Variants in SULF2 observed in about 807,000 individuals in gnomAD.
The protein encoded by SULF2 is extracellular sulfatase Sulf-2.
SULF2 carries 52 observed loss-of-function variants against 107.7 expected under a neutral mutation model. The ratio of observed to expected loss-of-function variants is 0.48; its 90% CI spans 0.39 to 0.61. The LOEUF (loss-of-function observed/expected upper bound fraction) is 0.61, where lower values mean the gene tolerates loss of function less well. SULF2 is among the 20% of genes least tolerant of loss of function. SULF2 has a pLI of 0.00. For missense variants in SULF2, 993 were observed against 1,177.3 expected (o/e 0.84, Z 2.29); for synonymous variants, 460 against 464.3 (o/e 0.99, Z 0.12).
chr20:47,714,426 T>C (rs573320651), intron 3 of SULF2, among the ~76,000 whole-genome samples: 1 of 152,140 alleles, frequency 6.6e-6, no homozygotes, highest in Admixed American at 6.5e-5. Flanking sequence ...CCCTCACATA[T>C]GTCCCAGCAG....
At position 47,678,539 on chromosome 20, in the gene SULF2, TG is replaced by T; in HGVS notation, c.1193+136del. The T allele has an allele frequency of 1.2e-6, 1 of 828,086 alleles. No individual in the cohort carries two copies. Among genetic ancestry groups the T allele is most frequent in the Non-Finnish European group, 1.8e-6 (1 of 551,484 alleles). The allele number at this position is 828,086 out of a possible 1,614,324, so 51.3% of individuals were successfully genotyped here. The stretch of plus-strand genomic sequence containing the variant: ...ATGCTTCTCTCCCACAGCAGGTAAG[TG>T]GTTGGCATGGCGGGACCTGAGAACC... On this transcript the variant is annotated intron_variant, in intron 8 of 20. Transcript: ENST00000688720. This position sits in a 1 kb window ranked among gnomAD's most constrained non-coding sequence, Gnocchi z 4.5.
At chr20:47,738,689 C>T (rs530572591) in intron 2 of SULF2, among the ~76,000 whole-genome samples, 3 of 152,298 alleles carry the variant, frequency 2.0e-5, no homozygotes, top group Admixed American at 2.0e-4. Flanking sequence ...TTCTCATTCT[C>T]TCTTGCCTAC....
intron 3 of SULF2, among the ~76,000 whole-genome samples, chr20:47,718,202 C>T (rs1219150355): frequency 6.6e-6 from 1 of 152,094 alleles, no homozygotes; most frequent in Non-Finnish European, 1.5e-5. Flanking sequence ...TTAAGTTCAG[C>T]TACCTCTGCC....
intron 3 of SULF2, among the ~76,000 whole-genome samples, chr20:47,735,421 A>T (rs929880052): frequency 1.3e-5 from 2 of 152,138 alleles, no homozygotes; most frequent in African/African-American, 4.8e-5. Context: ...AAGGCTGGTC[A>T]CTCTTGAGTG....
intron 8 of SULF2, among the ~76,000 whole-genome samples, chr20:47,677,549 CGTCTTGAGCTCT>C (rs1167643392): frequency 6.6e-6 from 1 of 152,090 alleles, no homozygotes; most frequent in Non-Finnish European, 1.5e-5. Context: ...AGTGGTTTGG[CGTCTTGAGCTCT>C]GTCTTGAGCT....
intron 1 of SULF2, among the ~76,000 whole-genome samples, chr20:47,784,265 C>T (rs1313477091): frequency 6.6e-6 from 1 of 152,156 alleles, no homozygotes; most frequent in Admixed American, 6.5e-5. Context: ...AGCAAATACC[C>T]AGATTGAAAC....
chr20:47,689,986 T>G, intron 5 of SULF2, 140 bp downstream of exon 5: 2 of 821,676 alleles, frequency 2.4e-6, no homozygotes, highest in East Asian at 3.4e-5. Flanking sequence ...GGACAAGCAG[T>G]ATGTTCTTGG....
intron 4 of SULF2, among the ~76,000 whole-genome samples, chr20:47,701,027 C>T (rs1387880123): frequency 6.6e-6 from 1 of 152,174 alleles, no homozygotes; most frequent in Non-Finnish European, 1.5e-5. Context: ...CATATGTCCA[C>T]TAAAAGCCAT....
At chr20:47,696,231 G>T (rs1331885903) in intron 4 of SULF2, among the ~76,000 whole-genome samples, 5 of 152,204 alleles carry the variant, frequency 3.3e-5, no homozygotes. Context: ...ACTATGATGA[G>T]AAATGCATGG....
At chr20:47,671,646 A>G (rs1318691803) in intron 11 of SULF2, among the ~76,000 whole-genome samples, 1 of 152,202 alleles carries the variant, frequency 6.6e-6, no homozygotes, top group East Asian at 1.9e-4. Flanking sequence ...GGGGAAGCAC[A>G]GAGCTGGGTT....
intron 3 of SULF2, among the ~76,000 whole-genome samples, chr20:47,735,129 T>A (rs927012117): frequency 2.0e-5 from 3 of 152,152 alleles, no homozygotes; most frequent in Non-Finnish European, 4.4e-5. Flanking sequence ...TCACTTTGAC[T>A]CTGGGCAGGT....
chr20:47,721,692 A>G (rs747248987), intron 3 of SULF2, among the ~76,000 whole-genome samples: 2 of 151,932 alleles, frequency 1.3e-5, no homozygotes, highest in Admixed American at 6.6e-5. Flanking sequence ...TCTATAGTGG[A>G]TATCTGTTTT....
At position 47,678,792 on chromosome 20, in the gene SULF2, G is replaced by A. The variant is rs758978210; in HGVS notation, c.1077C>T (p.Ile359=). 17 of 1,613,124 alleles carry A rather than the reference G, an allele frequency of 1.1e-5. No homozygotes were observed. The highest frequency in any genetic ancestry group is 6.7e-5 in the Admixed American group (4 of 59,970). ...TGGGGGCCAGGTCAATGTTGAGGAC[G>A]ATGTGGGGATTCCTGGGGGAGGCAG... ...NVEAGCLNPH[I]VLNIDLAPTI... Residue 359 remains isoleucine, a synonymous_variant, in exon 8 of 21, where the codon ATC becomes ATT. Transcript: ENST00000688720. This position sits in a 1 kb window ranked among gnomAD's most constrained non-coding sequence, Gnocchi z 4.5.
intron 10 of SULF2, 67 bp downstream of exon 10, chr20:47,676,427 G>C (rs2087641726): frequency 6.4e-7 from 1 of 1,555,764 alleles, no homozygotes; most frequent in South Asian, 1.2e-5. Context: ...GGCTCTCAGA[G>C]CCTCGCAGGT....
chr20:47,719,249 T>C (rs1194554279), intron 3 of SULF2, among the ~76,000 whole-genome samples: 2 of 152,224 alleles, frequency 1.3e-5, no homozygotes, highest in African/African-American at 2.4e-5. Flanking sequence ...TATCACAGTT[T>C]ATAAAATATT....
In SULF2 at chr20:47,666,115, G is replaced by A. The variant is rs1442822926; in HGVS notation, c.1805+145C>T. On this transcript the variant is annotated intron_variant, in intron 12 of 20. Transcript: ENST00000688720. This position sits in a 1 kb window ranked among gnomAD's most constrained non-coding sequence, Gnocchi z 5.4. ...ATGTGTCACTTTAATGGGGTTGGCG[G>A]CTGAATAGTCGGGAAGGCCTCCAGT... The A allele has an allele frequency of 1.2e-6, 2 of 1,612,584 alleles. No homozygotes were observed. The highest frequency in any genetic ancestry group is 2.7e-5 in the African/African-American group (2 of 74,672).
chr20:47,769,578 C>T (rs550311899), intron 1 of SULF2, among the ~76,000 whole-genome samples: 7 of 152,240 alleles, frequency 4.6e-5, no homozygotes, highest in Non-Finnish European at 1.0e-4. Flanking sequence ...CCTGACGCCA[C>T]GGCCCCAGCT....
At chr20:47,663,967 G>A (rs1339055676) in intron 15 of SULF2, among the ~76,000 whole-genome samples, 163 bp downstream of exon 15, 2 of 152,300 alleles carry the variant, frequency 1.3e-5, no homozygotes, top group South Asian at 2.1e-4. Context: ...TCGGAGGCCC[G>A]CTCAGTGTTG....
intron 3 of SULF2, among the ~76,000 whole-genome samples, chr20:47,727,809 C>T (rs2089485489): frequency 6.6e-6 from 1 of 152,204 alleles, no homozygotes; most frequent in South Asian, 2.1e-4. Flanking sequence ...AGCTCAAGGT[C>T]ACAAGGGCGC....
Sources: allele counts gnomAD v4.1 joint callset (sites outside exome capture counted in the v4.1 genomes callset), GRCh38; gene constraint gnomAD v4.1.1; non-coding constraint Gnocchi (gnomAD v3.1); transcripts MANE v1.5; gene names NCBI Gene and HGNC (gene_info 2026-07-23, HGNC 2026-07-21).